The following RPS6KA5 variants were observed in gnomAD, a reference collection of about 807,000 sequenced individuals.
RPS6KA5 encodes ribosomal protein S6 kinase alpha-5.
Under a neutral mutation model 85.5 loss-of-function variants are expected in RPS6KA5, and 27 were observed. That is an observed-to-expected ratio of 0.32 (90% CI 0.23 to 0.44). The LOEUF (loss-of-function observed/expected upper bound fraction) is 0.44. RPS6KA5 is among the 20% of genes least tolerant of loss of function. RPS6KA5 has a pLI of 1.00. For missense variants in RPS6KA5, 811 were observed against 980.9 expected, an observed-to-expected ratio of 0.83 and a Z score of 2.31; for synonymous variants, 334 against 348.2, an observed-to-expected ratio of 0.96 and a Z score of 0.46.
chr14:90,957,291 C>T lies in RPS6KA5; in HGVS notation c.395-9741G>A, dbSNP rs147302062. ...TGTTGGCCAGGCTGCTCTCAAACTGCTGGCCTCTCGTGATCTGCCTCCCAT... is the reference window on the plus strand; with the variant it reads ...TGTTGGCCAGGCTGCTCTCAAACTGTTGGCCTCTCGTGATCTGCCTCCCAT... On this transcript the variant is annotated intron_variant, in intron 3 of 16. Transcript: ENST00000614987. 1.3e-3 allele frequency among the ~76,000 whole-genome samples: 202 copies of T among 152,338 alleles called. 2 individuals are homozygous for T. Among genetic ancestry groups the T allele is most frequent in the African/African-American group, 4.5e-3 (186 of 41,572 alleles).
chr14:90,873,889 A>C (rs935133621), intron 15 of RPS6KA5, 94 bp from the exon 16 acceptor site: 2 of 1,098,122 alleles, frequency 1.8e-6, no homozygotes, highest in Admixed American at 2.0e-5. Context: ...TTCACATGAC[A>C]TAATGGTTTC....
Position 90,871,011 on chromosome 14 carries a change from G to A in RPS6KA5, c.*1063C>T, listed in dbSNP as rs538361412. On this transcript the variant is annotated 3_prime_UTR_variant, in exon 17 of 17. Transcript: ENST00000614987. The stretch of plus-strand genomic sequence containing the variant: ...CAGAAAAATTTCCAAACAAGTCATA[G>A]GTATGATTCTAAAATATTATGTACA... 1.3e-5 allele frequency: 2 copies of A among 152,256 alleles called. No individual in the cohort carries two copies. The highest frequency in any genetic ancestry group is 2.9e-5 in the Non-Finnish European group (2 of 67,946). 9.4% of individuals were successfully genotyped at this position (152,256 alleles called of 1,614,324 possible). A position where few individuals can be genotyped will look rare whatever the true frequency, so the allele number is the denominator to read the frequency against.
intron 3 of RPS6KA5, among the ~76,000 whole-genome samples, chr14:90,961,329 G>A (rs1414579238): frequency 6.6e-6 from 1 of 152,182 alleles, no homozygotes; most frequent in Non-Finnish European, 1.5e-5. Flanking sequence ...ATCTTATGAA[G>A]GGGGAGAGTA....
chr14:91,055,082 C>T (rs1270857457), intron 1 of RPS6KA5, among the ~76,000 whole-genome samples: 3 of 152,142 alleles, frequency 2.0e-5, no homozygotes, highest in Admixed American at 6.5e-5. Flanking sequence ...AATGGAAAAT[C>T]ACTTCACACT....
intron 2 of RPS6KA5, among the ~76,000 whole-genome samples, chr14:90,994,949 C>T (rs1224052885): frequency 6.6e-6 from 1 of 152,128 alleles, no homozygotes; most frequent in Non-Finnish European, 1.5e-5. Context: ...AGTAAATCCT[C>T]CAGAGAAGAT....
intron 5 of RPS6KA5, among the ~76,000 whole-genome samples, chr14:90,925,941 CAAAAA>C (rs71117389): frequency 6.8e-5 from 5 of 73,518 alleles, no homozygotes; most frequent in Non-Finnish European, 5.0e-5. Context: ...GACCCTGACT[CAAAAA>C]AAAAAAAAAA....
intron 1 of RPS6KA5, 101 bp downstream of exon 1, chr14:91,060,231 C>T: frequency 1.0e-6 from 1 of 968,332 alleles, no homozygotes; most frequent in Non-Finnish European, 1.2e-6. Context: ...CCCTCCGCGC[C>T]CACGGCTGCG....
chr14:90,885,759 A>G (rs955128677), intron 14 of RPS6KA5, among the ~76,000 whole-genome samples: 7 of 143,938 alleles, frequency 4.9e-5, no homozygotes, highest in African/African-American at 1.5e-4. Flanking sequence ...AAAAAAAAAA[A>G]AAAAAAAAAA....
At chr14:90,976,037 T>C (rs2039550078) in intron 3 of RPS6KA5, among the ~76,000 whole-genome samples, 1 of 152,130 alleles carries the variant, frequency 6.6e-6, no homozygotes, top group Non-Finnish European at 1.5e-5. Context: ...CCAAAAGTAA[T>C]GGAGAGCCAA....
At chr14:91,032,626 T>C (rs1268576071) in intron 1 of RPS6KA5, among the ~76,000 whole-genome samples, 3 of 152,184 alleles carry the variant, frequency 2.0e-5, no homozygotes, top group African/African-American at 4.8e-5. Flanking sequence ...GATAGCTTCA[T>C]GCTTGACGGC....
intron 3 of RPS6KA5, among the ~76,000 whole-genome samples, chr14:90,953,736 C>A (rs777118140): frequency 1.3e-5 from 2 of 152,150 alleles, no homozygotes; most frequent in African/African-American, 4.8e-5. Context: ...GAGATAAGGA[C>A]TGAAATACGC....
At chr14:90,927,784 T>C (rs1398773899) in intron 5 of RPS6KA5, among the ~76,000 whole-genome samples, 4 of 152,094 alleles carry the variant, frequency 2.6e-5, no homozygotes, top group East Asian at 1.9e-4. Flanking sequence ...ATGTTTCTTA[T>C]AACTGACAGA....
intron 1 of RPS6KA5, among the ~76,000 whole-genome samples, chr14:91,059,707 T>C (rs984336920): frequency 6.6e-6 from 1 of 152,226 alleles, no homozygotes; most frequent in African/African-American, 2.4e-5. Flanking sequence ...CAGGGACCTC[T>C]GAAGGAAATT....
chr14:90,979,735 A>G (rs2039714599), intron 2 of RPS6KA5, among the ~76,000 whole-genome samples: 2 of 152,378 alleles, frequency 1.3e-5, no homozygotes, highest in Non-Finnish European at 2.9e-5. Flanking sequence ...GCTCTGCACT[A>G]AACATATCGA....
chr14:90,931,517 T>C (rs1406934050), intron 5 of RPS6KA5, among the ~76,000 whole-genome samples: 2 of 152,168 alleles, frequency 1.3e-5, no homozygotes, highest in African/African-American at 4.8e-5. Flanking sequence ...TTTTGTTTTG[T>C]GTTTTTTTAA....
At chr14:91,043,096 T>C (rs2042666211) in intron 1 of RPS6KA5, among the ~76,000 whole-genome samples, 1 of 152,186 alleles carries the variant, frequency 6.6e-6, no homozygotes, top group Non-Finnish European at 1.5e-5. Flanking sequence ...TCAGTCAAAT[T>C]GATCCCCTGC....
At chr14:91,014,703 A>G (rs2041408948) in intron 1 of RPS6KA5, among the ~76,000 whole-genome samples, 1 of 152,078 alleles carries the variant, frequency 6.6e-6, no homozygotes, top group Non-Finnish European at 1.5e-5. Flanking sequence ...CTAAACGCAC[A>G]TATTTTTGAT....
chr14:90,914,309 G>GTTTTTT (rs10658805), intron 7 of RPS6KA5, among the ~76,000 whole-genome samples: 33 of 81,522 alleles, frequency 4.0e-4, no homozygotes, highest in Non-Finnish European at 4.8e-4. Context: ...GATCCCTAGG[G>GTTTTTT]TTTTTTTTTT....
chr14:90,913,190 C>T (rs2035925579), intron 7 of RPS6KA5, among the ~76,000 whole-genome samples: 1 of 151,992 alleles, frequency 6.6e-6, no homozygotes, highest in African/African-American at 2.4e-5. Context: ...GGATTATAGG[C>T]GTGTGAGCCA....
Sources: allele counts gnomAD v4.1 joint callset (sites outside exome capture counted in the v4.1 genomes callset), GRCh38; gene constraint gnomAD v4.1.1; transcripts MANE v1.5; gene names NCBI Gene and HGNC (gene_info 2026-07-23, HGNC 2026-07-21).